SNX10: variants seen among roughly 807,000 people sequenced by gnomAD.
SNX10 encodes sorting nexin 10, also known as sorting nexin-10.
A neutral mutation model predicts 28.5 loss-of-function variants in SNX10; 25 were observed. The observed-to-expected ratio is 0.88, with a 90% CI of 0.64 to 1.22. The LOEUF is 1.22. Ranked by LOEUF, SNX10 falls within the 50% of genes most tolerant of loss-of-function variation. The pLI is 0.00. For missense variants in SNX10, 223 were observed against 242.6 expected (o/e 0.92, Z 0.54); for synonymous variants, 62 against 81.4 (o/e 0.76, Z 1.28).
chr7:26,292,656 T>A (rs958184133), intron 1 of SNX10, among the ~76,000 whole-genome samples: 3 of 152,104 alleles, frequency 2.0e-5, no homozygotes, highest in African/African-American at 7.2e-5. Flanking sequence ...CATACTTTTC[T>A]CAAATTACAC....
rs145997582 is a variant in SNX10, at chr7:26,345,167, T to C, written c.-23-1253T>C. 4.9e-4 allele frequency among the ~76,000 whole-genome samples: 75 copies of C among 152,332 alleles called. 1 individual carries two copies. The East Asian group carries it at 0.014, about 27-fold the overall frequency. On this transcript the variant is annotated intron_variant, in intron 1 of 6. Coordinates refer to ENST00000338523, the MANE Select transcript of SNX10 (RefSeq NM_013322.3). Reference sequence around the variant, plus strand: ...TGTCTCCAAAGACTCTTTTTTCAAATAAAGTCACATTCACAGGTTCTGTGG... The same window carrying C: ...TGTCTCCAAAGACTCTTTTTTCAAACAAAGTCACATTCACAGGTTCTGTGG...
chr7:26,325,566 G>A (rs975360867), intron 1 of SNX10, among the ~76,000 whole-genome samples: 6 of 150,498 alleles, frequency 4.0e-5, no homozygotes, highest in East Asian at 2.0e-4. Context: ...CAAGTGATCC[G>A]CCTGCCTCGG....
intron 1 of SNX10, among the ~76,000 whole-genome samples, chr7:26,320,862 C>T (rs1252667622): frequency 6.6e-6 from 1 of 152,220 alleles, no homozygotes; most frequent in Non-Finnish European, 1.5e-5. Context: ...CCAGGATTTA[C>T]AGATTCACCT....
intron 2 of SNX10, among the ~76,000 whole-genome samples, chr7:26,359,143 A>G (rs1466284029): frequency 3.3e-5 from 5 of 152,092 alleles, no homozygotes; most frequent in African/African-American, 4.8e-5. Context: ...AAAATACACA[A>G]TGAAAATATT....
intron 2 of SNX10, among the ~76,000 whole-genome samples, chr7:26,351,659 GT>G (rs796713404): frequency 0.03 from 1,357 of 44,898 alleles, 10 homozygotes; most frequent in African/African-American, 0.061. Context: ...TTTTTTTTTT[GT>G]TTTTTTTTTT....
intron 5 of SNX10, among the ~76,000 whole-genome samples, chr7:26,366,418 A>G (rs1789289799): frequency 1.3e-5 from 2 of 152,224 alleles, no homozygotes; most frequent in African/African-American, 4.8e-5. Flanking sequence ...AGCCAGAGGA[A>G]TAAACATGGC....
rs11386172 is a variant in SNX10, at chr7:26,353,437, C to CTTTTTT, written c.24+6989_24+6994dup. Among the ~76,000 whole-genome samples the CTTTTTT allele has an allele frequency of 4.0e-5, 3 of 74,372 alleles. 1 individual carries two copies. The highest frequency in any genetic ancestry group is 2.6e-5 in the Non-Finnish European group (1 of 39,046). 48.8% of individuals were successfully genotyped at this position (74,372 alleles called of 152,430 possible). On this transcript the variant is annotated intron_variant, in intron 2 of 6. Coordinates refer to ENST00000338523, the MANE Select transcript of SNX10 (RefSeq NM_013322.3). ...CTGGTGATTAACACACTGGTAAATG[C>CTTTTTT]TTTTTTTTTTTTTTTTTTTTTTTGG...
At chr7:26,339,919 T>A (rs2128008823) in intron 1 of SNX10, among the ~76,000 whole-genome samples, 1 of 151,798 alleles carries the variant, frequency 6.6e-6, no homozygotes, top group South Asian at 2.1e-4. Flanking sequence ...TTACAAAAAA[T>A]TTTGTTTAAA....
intron 1 of SNX10, among the ~76,000 whole-genome samples, chr7:26,321,064 C>T (rs1329580321): frequency 1.3e-5 from 2 of 152,118 alleles, no homozygotes; most frequent in African/African-American, 4.8e-5. Context: ...GGATGCTGAG[C>T]CAAAGGTTAT....
At chr7:26,366,484 A>AT (rs1584177036) in intron 5 of SNX10, among the ~76,000 whole-genome samples, 1 of 152,134 alleles carries the variant, frequency 6.6e-6, no homozygotes, top group Non-Finnish European at 1.5e-5. Context: ...ATTTCATTGT[A>AT]TTTTTGGGGG....
chr7:26,356,800 C>T (rs35338181), intron 2 of SNX10, among the ~76,000 whole-genome samples: 6 of 152,014 alleles, frequency 3.9e-5, no homozygotes, highest in Non-Finnish European at 8.8e-5. Flanking sequence ...GTTTGTTCTC[C>T]CAGATCTTAA....
chr7:26,335,732 A>ATTT (rs1554355773), intron 1 of SNX10, among the ~76,000 whole-genome samples: 4 of 112,438 alleles, frequency 3.6e-5, no homozygotes, highest in South Asian at 3.4e-4. Context: ...CAGATGGAAT[A>ATTT]TTCTTTTTTT....
At chr7:26,323,115 C>A (rs750348549) in intron 1 of SNX10, among the ~76,000 whole-genome samples, 49 of 151,876 alleles carry the variant, frequency 3.2e-4, no homozygotes, top group Admixed American at 5.3e-4. Flanking sequence ...CCAAGTGTGG[C>A]GGTGTGAGCC....
At chr7:26,341,143 A>G (rs56267539) in intron 1 of SNX10, among the ~76,000 whole-genome samples, 26,443 of 151,900 alleles carry the variant, frequency 0.17, 2,653 homozygotes, top group South Asian at 0.41. Flanking sequence ...ACAAAAATTT[A>G]AAAAAATTAG....
rs140119934 is a variant in SNX10 at position 26,339,363 on chromosome 7, G to A, written c.-23-7057G>A. 6.1e-3 allele frequency among the ~76,000 whole-genome samples: 931 copies of A among 152,162 alleles called. 10 individuals are homozygous for A. The highest frequency in any genetic ancestry group is 0.021 in the African/African-American group (872 of 41,508). ...CCCACCTCAGCATCCCAAAGTGCTG[G>A]GATTACAGGCATGTGCCCGGTCTTG... On this transcript the variant is annotated intron_variant, in intron 1 of 6. Transcript: ENST00000338523.
chr7:26,325,327 A>ATATATATATATATATATATATATT (rs1426546396), intron 1 of SNX10, among the ~76,000 whole-genome samples: 1 of 124,604 alleles, frequency 8.0e-6, no homozygotes, highest in African/African-American at 2.9e-5. Flanking sequence ...ATATATATAT[A>ATATATATATATATATATATATATT]TTTGAGATGG....
intron 1 of SNX10, among the ~76,000 whole-genome samples, chr7:26,336,098 A>T (rs562084874): frequency 5.9e-5 from 9 of 152,208 alleles, no homozygotes; most frequent in Non-Finnish European, 1.3e-4. Context: ...AAAATAGCTG[A>T]ACATTGTGGG....
chr7:26,302,389 G>A (rs969003719), intron 1 of SNX10, among the ~76,000 whole-genome samples: 12 of 152,114 alleles, frequency 7.9e-5, no homozygotes, highest in African/African-American at 2.9e-4. Flanking sequence ...CTCTACGCAG[G>A]CTGGCACCAG....
At chr7:26,327,505 A>G (rs1435480508) in intron 1 of SNX10, among the ~76,000 whole-genome samples, 1 of 152,202 alleles carries the variant, frequency 6.6e-6, no homozygotes, top group African/African-American at 2.4e-5. Flanking sequence ...TTAGCACTTG[A>G]CAGCTGGTAG....
Sources: gnomAD v4.1 joint callset for allele counts (sites outside exome capture counted in the v4.1 genomes callset) on GRCh38, gnomAD v4.1.1 for gene constraint, MANE v1.5 for transcripts, NCBI Gene and HGNC (gene_info 2026-07-23, HGNC 2026-07-21) for gene names.